SPIRE1: variants seen among roughly 807,000 people sequenced by gnomAD.
The protein encoded by SPIRE1 is spire type actin nucleation factor 1.
Under a neutral mutation model 94.1 loss-of-function variants are expected in SPIRE1, and 40 were observed. The ratio of observed to expected loss-of-function variants is 0.43; its 90% CI spans 0.33 to 0.55. The LOEUF is 0.55. Among genes scored for constraint, SPIRE1 ranks in the 20% least tolerant of loss-of-function variants. The probability of loss-of-function intolerance (pLI) is 0.06; values close to 1 mark genes in which losing one functional copy is unlikely to be tolerated. For missense variants in SPIRE1, 838 were observed against 975.2 expected (o/e 0.86, Z 1.87); for synonymous variants, 376 against 371.7 (o/e 1.01, Z -0.13).
chr18:12,540,029 TC>T (rs776277445), intron 3 of SPIRE1, among the ~76,000 whole-genome samples: 1 of 150,790 alleles, frequency 6.6e-6, no homozygotes, highest in Non-Finnish European at 1.5e-5. Flanking sequence ...GAAAGAGTGG[TC>T]AGTAGGTGGC....
chr18:12,595,547 A>G (rs1308305102), intron 2 of SPIRE1, among the ~76,000 whole-genome samples: 1 of 152,196 alleles, frequency 6.6e-6, no homozygotes, highest in African/African-American at 2.4e-5. Flanking sequence ...TTAAAAGAAA[A>G]CTATACGTGT....
chr18:12,491,509 T>C (rs559160558), intron 8 of SPIRE1, among the ~76,000 whole-genome samples: 140 of 152,240 alleles, frequency 9.2e-4, no homozygotes, highest in African/African-American at 3.2e-3. Flanking sequence ...TTTTTTTTCT[T>C]TCTTTCTTTC....
intron 2 of SPIRE1, among the ~76,000 whole-genome samples, chr18:12,601,211 C>T (rs1488235339): frequency 1.3e-5 from 2 of 150,770 alleles, no homozygotes; most frequent in African/African-American, 2.4e-5. Context: ...ACTTAAGGTT[C>T]GAGACCAGCC....
intron 2 of SPIRE1, among the ~76,000 whole-genome samples, chr18:12,594,224 G>A (rs2036611050): frequency 6.6e-6 from 1 of 152,222 alleles, no homozygotes; most frequent in South Asian, 2.1e-4. Flanking sequence ...CTTAAATATG[G>A]ATCAATACCA....
intron 2 of SPIRE1, among the ~76,000 whole-genome samples, chr18:12,623,231 G>A (rs573158910): frequency 1.3e-5 from 2 of 151,910 alleles, no homozygotes; most frequent in South Asian, 4.2e-4. Flanking sequence ...TTGGCTCACT[G>A]CAAGCTCCAC....
intron 3 of SPIRE1, among the ~76,000 whole-genome samples, chr18:12,539,318 G>A (rs2034937509): frequency 6.6e-6 from 1 of 152,186 alleles, no homozygotes; most frequent in South Asian, 2.1e-4. Context: ...TTTATAAGGA[G>A]GAGTTTCCCT....
intron 6 of SPIRE1, among the ~76,000 whole-genome samples, chr18:12,502,305 G>T (rs2033691434): frequency 6.6e-6 from 1 of 152,154 alleles, no homozygotes. Flanking sequence ...TATCAAAGAT[G>T]ACAGTTAAAA....
intron 16 of SPIRE1, 149 bp from the exon 17 acceptor site, chr18:12,450,045 C>A: frequency 1.1e-6 from 1 of 882,062 alleles, no homozygotes; most frequent in Non-Finnish European, 1.7e-6. Flanking sequence ...AAAAAAATTT[C>A]TTATTGGTGA....
chr18:12,640,759 C>G (rs895441059), intron 1 of SPIRE1, among the ~76,000 whole-genome samples: 1 of 152,056 alleles, frequency 6.6e-6, no homozygotes, highest in African/African-American at 2.4e-5. Flanking sequence ...GTGTGACAGG[C>G]CTGGGAAGTG....
chr18:12,493,608 A>G (rs894412242), intron 7 of SPIRE1, among the ~76,000 whole-genome samples: 2 of 151,924 alleles, frequency 1.3e-5, no homozygotes, highest in African/African-American at 4.8e-5. Context: ...GGTTTCACCA[A>G]GTTGGTCAGG....
At chr18:12,569,340 CAAA>C (rs11344272) in intron 2 of SPIRE1, among the ~76,000 whole-genome samples, 13 of 114,398 alleles carry the variant, frequency 1.1e-4, no homozygotes, top group African/African-American at 1.6e-4. Context: ...GACTCCGTCT[CAAA>C]AAAAAAAAAA....
chr18:12,454,042 C>T (rs1446033523), intron 13 of SPIRE1, among the ~76,000 whole-genome samples: 3 of 152,150 alleles, frequency 2.0e-5, no homozygotes, highest in Non-Finnish European at 4.4e-5. Flanking sequence ...CTCAGCTTCC[C>T]GAAGTGCTGG....
At chr18:12,658,135 C>T (rs2038614192), upstream of SPIRE1, 1 of 962,840 alleles carries the variant, frequency 1.0e-6, no homozygotes, top group Admixed American at 6.2e-5. Flanking sequence ...CGCCCCGCCT[C>T]GCGCCGTCCA....
intron 10 of SPIRE1, among the ~76,000 whole-genome samples, chr18:12,471,078 G>GAAAAAAAAAAAAAA: frequency 6.9e-6 from 1 of 145,932 alleles, no homozygotes; most frequent in African/African-American, 2.6e-5. Context: ...CTTTGATATG[G>GAAAAAAAAAAAAAA]CTACAATCAA....
At chr18:12,480,437 A>T (rs1263557347) in intron 9 of SPIRE1, among the ~76,000 whole-genome samples, 1 of 152,208 alleles carries the variant, frequency 6.6e-6, no homozygotes, top group Non-Finnish European at 1.5e-5. Context: ...ACAATGAAGC[A>T]GTCTATAGTG....
intron 4 of SPIRE1, among the ~76,000 whole-genome samples, chr18:12,513,707 C>T (rs1199173791): frequency 6.6e-6 from 1 of 151,958 alleles, no homozygotes; most frequent in Non-Finnish European, 1.5e-5. Flanking sequence ...ATTTTTAGTA[C>T]AGACAGGGTT....
chr18:12,525,289 A>T (rs1463283667), intron 4 of SPIRE1, among the ~76,000 whole-genome samples: 9 of 146,484 alleles, frequency 6.1e-5, no homozygotes, highest in African/African-American at 2.0e-4. Flanking sequence ...AAAAAAAAAA[A>T]AAAAAAAAAT....
intron 1 of SPIRE1, among the ~76,000 whole-genome samples, chr18:12,655,844 G>C (rs1049170673): frequency 6.6e-6 from 1 of 152,152 alleles, no homozygotes; most frequent in Non-Finnish European, 1.5e-5. Context: ...GCTTCTAAAA[G>C]CAGGCTGCAC....
intron 3 of SPIRE1, among the ~76,000 whole-genome samples, chr18:12,540,443 T>A (rs936935951): frequency 1.3e-5 from 2 of 152,192 alleles, no homozygotes; most frequent in Non-Finnish European, 2.9e-5. Context: ...TGTTGCGATC[T>A]TGGCTCACTG....
Sources: allele counts gnomAD v4.1 joint callset (sites outside exome capture counted in the v4.1 genomes callset), GRCh38; gene constraint gnomAD v4.1.1; transcripts MANE v1.5; gene names NCBI Gene and HGNC (gene_info 2026-07-23, HGNC 2026-07-21).